The following LRFN5 variants were observed in gnomAD, a reference collection of about 807,000 sequenced individuals.
LRFN5 encodes leucine-rich repeat and fibronectin type-III domain-containing protein 5.
In LRFN5, 24 loss-of-function variants were observed where a neutral mutation model predicts 45.6. The observed-to-expected ratio is 0.53, with a 90% CI of 0.38 to 0.74. The LOEUF (loss-of-function observed/expected upper bound fraction) is 0.74, where lower values mean the gene tolerates loss of function less well. LRFN5 is among the 30% of genes least tolerant of loss of function. The pLI, the probability that LRFN5 is intolerant of heterozygous loss-of-function variation, is 0.00. For synonymous variants in LRFN5, 340 were observed against 313.8 expected, an observed-to-expected ratio of 1.08 and a Z score of -0.88; for missense variants, 776 against 861.5, an observed-to-expected ratio of 0.90 and a Z score of 1.24.
chr14:41,626,290 G>A (rs1888329486), intron 1 of LRFN5, among the ~76,000 whole-genome samples: 1 of 151,972 alleles, frequency 6.6e-6, no homozygotes, highest in Non-Finnish European at 1.5e-5. Context: ...AAATATGTAT[G>A]TGCCAACTAA....
At position 41,800,778 on chromosome 14, in the gene LRFN5, A is replaced by T. The variant is rs558104757; in HGVS notation, c.-21+33749A>T. ...TAACTCATAAAAGATTACCCTGGAG[A>T]AAAAAAAAACACTGCAGTTCAAGGA... On this transcript the variant is annotated intron_variant, in intron 2 of 5. Transcript: ENST00000298119. 3.8e-3 allele frequency among the ~76,000 whole-genome samples: 340 copies of T among 88,332 alleles called. 2 individuals are homozygous for T. Among genetic ancestry groups the T allele is most frequent in the Non-Finnish European group, 6.3e-3 (263 of 42,050 alleles). 57.9% of individuals were successfully genotyped at this position (88,332 alleles called of 152,430 possible).
rs141944510 is a variant in LRFN5, at chr14:41,620,868, G to A, written c.-197+12306G>A. The stretch of plus-strand genomic sequence containing the variant: ...TATTAAACAAAGGAAGCAGATTCAA[G>A]GGCAATTTAAAACCAAGATAGGAAA... On this transcript the variant is annotated intron_variant, in intron 1 of 5. Coordinates refer to ENST00000298119, the MANE Select transcript of LRFN5 (RefSeq NM_152447.5). Among the ~76,000 whole-genome samples the A allele has an allele frequency of 3.4e-3, 511 of 151,736 alleles. 3 individuals carry two copies. Among genetic ancestry groups the A allele is most frequent in the African/African-American group, 0.012 (477 of 41,422 alleles).
intron 1 of LRFN5, among the ~76,000 whole-genome samples, chr14:41,632,832 G>A (rs1352808638): frequency 6.6e-6 from 1 of 152,098 alleles, no homozygotes; most frequent in Admixed American, 6.6e-5. Flanking sequence ...TCAAGAAAAT[G>A]TATGATTTTT....
intron 1 of LRFN5, among the ~76,000 whole-genome samples, chr14:41,611,025 T>C (rs1404601092): frequency 6.6e-6 from 1 of 152,084 alleles, no homozygotes; most frequent in Non-Finnish European, 1.5e-5. Flanking sequence ...AAATAAGGTG[T>C]TTTCATCACC....
At chr14:41,663,111 A>G (rs1418623660) in intron 1 of LRFN5, among the ~76,000 whole-genome samples, 1 of 152,138 alleles carries the variant, frequency 6.6e-6, no homozygotes, top group Non-Finnish European at 1.5e-5. Flanking sequence ...ATGTATAGAA[A>G]CATGAGAGGT....
chr14:41,706,463 A>G (rs1309504622), intron 1 of LRFN5, among the ~76,000 whole-genome samples: 1 of 151,862 alleles, frequency 6.6e-6, no homozygotes, highest in African/African-American at 2.4e-5. Flanking sequence ...TTTATTTTTT[A>G]TTCTTCAATG....
chr14:41,631,091 G>T (rs947652170), intron 1 of LRFN5, among the ~76,000 whole-genome samples: 1 of 152,026 alleles, frequency 6.6e-6, no homozygotes, highest in Non-Finnish European at 1.5e-5. Context: ...ACCTCTAGAG[G>T]TCCCTCATTG....
intron 5 of LRFN5, among the ~76,000 whole-genome samples, chr14:41,901,029 T>C (rs1891086475): frequency 6.6e-6 from 1 of 152,140 alleles, no homozygotes; most frequent in South Asian, 2.1e-4. Flanking sequence ...ATTTCCATTA[T>C]TCAGAATATG....
intron 1 of LRFN5, among the ~76,000 whole-genome samples, chr14:41,739,678 C>T (rs2138816570): frequency 6.7e-6 from 1 of 149,634 alleles, no homozygotes; most frequent in Middle Eastern, 3.5e-3. Context: ...ACAAACTAAG[C>T]ACAAACGTAG....
intron 2 of LRFN5, among the ~76,000 whole-genome samples, chr14:41,868,315 A>G (rs2139112575): frequency 6.6e-6 from 1 of 152,260 alleles, no homozygotes; most frequent in Non-Finnish European, 1.5e-5. Flanking sequence ...TGGAATATGT[A>G]AAGGAACTAG....
chr14:41,652,607 G>GA (rs144936165), intron 1 of LRFN5, among the ~76,000 whole-genome samples: 3,613 of 152,238 alleles, frequency 0.024, 131 homozygotes, highest in African/African-American at 0.082. Flanking sequence ...TAGGACCAGG[G>GA]AAAACCTCCT....
intron 2 of LRFN5, among the ~76,000 whole-genome samples, chr14:41,870,311 GC>G (rs1889974760): frequency 6.6e-6 from 1 of 152,090 alleles, no homozygotes; most frequent in Non-Finnish European, 1.5e-5. Flanking sequence ...CAAACGATTT[GC>G]CCAATATGAC....
At chr14:41,631,289 C>A (rs1008916792) in intron 1 of LRFN5, among the ~76,000 whole-genome samples, 3 of 152,018 alleles carry the variant, frequency 2.0e-5, no homozygotes, top group Non-Finnish European at 2.9e-5. Context: ...TGGGCTTGTT[C>A]TTCCTGGAAC....
At chr14:41,624,071 C>CTA (rs1367735294) in intron 1 of LRFN5, among the ~76,000 whole-genome samples, 2 of 152,092 alleles carry the variant, frequency 1.3e-5, no homozygotes, top group East Asian at 3.8e-4. Context: ...TCCTACGCCT[C>CTA]TACAACTAAG....
intron 1 of LRFN5, among the ~76,000 whole-genome samples, chr14:41,692,119 G>A (rs1882403919): frequency 6.6e-6 from 1 of 152,068 alleles, no homozygotes; most frequent in Admixed American, 6.6e-5. Context: ...TGAATATAGG[G>A]TAGATGTATA....
chr14:41,754,451 T>C (rs1389941728), intron 1 of LRFN5, among the ~76,000 whole-genome samples: 1 of 152,194 alleles, frequency 6.6e-6, no homozygotes, highest in Non-Finnish European at 1.5e-5. Context: ...GAGCTTGTTA[T>C]TGGTCTATTC....
At chr14:41,844,864 AG>A (rs1889005549) in intron 2 of LRFN5, among the ~76,000 whole-genome samples, 1 of 152,274 alleles carries the variant, frequency 6.6e-6, no homozygotes, top group Admixed American at 6.5e-5. Context: ...GTTAAACAAG[AG>A]ATTAAATTAG....
chr14:41,808,681 A>T (rs1201087144), intron 2 of LRFN5, among the ~76,000 whole-genome samples: 1 of 152,112 alleles, frequency 6.6e-6, no homozygotes, highest in Non-Finnish European at 1.5e-5. Flanking sequence ...ACTAAAGCAG[A>T]TGTAAAAACA....
chr14:41,639,486 T>C (rs1485440785), intron 1 of LRFN5, among the ~76,000 whole-genome samples: 1 of 152,144 alleles, frequency 6.6e-6, no homozygotes, highest in East Asian at 1.9e-4. Flanking sequence ...ACGTTATGTG[T>C]AACATTGAGA....
Sources: gnomAD v4.1 joint callset for allele counts (sites outside exome capture counted in the v4.1 genomes callset) on GRCh38, gnomAD v4.1.1 for gene constraint, MANE v1.5 for transcripts, NCBI Gene and HGNC (gene_info 2026-07-23, HGNC 2026-07-21) for gene names.